TSPAN17: variants seen among roughly 807,000 people sequenced by gnomAD.
The protein encoded by TSPAN17 is tetraspanin 17, also known as tetraspanin-17.
In TSPAN17, 33 loss-of-function variants were observed where a neutral mutation model predicts 40.5. The observed-to-expected ratio is 0.81, with a 90% CI of 0.62 to 1.09. The LOEUF (loss-of-function observed/expected upper bound fraction) is 1.09, where lower values mean the gene tolerates loss of function less well. TSPAN17 is among the 50% of genes least tolerant of loss of function. The pLI is 0.00. For missense variants in TSPAN17, 365 were observed against 416.8 expected, an observed-to-expected ratio of 0.88 and a Z score of 1.08; for synonymous variants, 166 against 169.4, an observed-to-expected ratio of 0.98 and a Z score of 0.15.
chr5:176,649,901 C>T (rs1760898355), intron 1 of TSPAN17, among the ~76,000 whole-genome samples: 1 of 152,250 alleles, frequency 6.6e-6, no homozygotes, highest in South Asian at 2.1e-4. Flanking sequence ...CTCTTTTCAT[C>T]ATTCAAACCT....
Position 176,651,735 on chromosome 5 carries a change from C to T in TSPAN17, c.139-19C>T, listed in dbSNP as rs753010491. ...TGGGAAGGTCAGCTCCCCACACCTG[C>T]CTCTGCTGCCCGGCACAGGGCGTTC... On this transcript the variant is annotated intron_variant, in intron 2 of 8. Coordinates refer to ENST00000508164, the MANE Select transcript of TSPAN17 (RefSeq NM_130465.5). The surrounding 1 kb of genome is among the most constrained non-coding windows in gnomAD (Gnocchi z 4.5). 2.5e-6 allele frequency: 4 copies of T among 1,614,072 alleles called. No homozygotes were observed. Among genetic ancestry groups the T allele is most frequent in the Non-Finnish European group, 2.5e-6 (3 of 1,179,944 alleles).
Position 176,652,998 on chromosome 5 carries a change from C to T in TSPAN17, c.456+85C>T. 2.8e-6 allele frequency: 4 copies of T among 1,448,844 alleles called. No homozygotes were observed. In the South Asian group the frequency reaches 4.8e-5, roughly 18 times the overall value. 89.7% of individuals were successfully genotyped at this position (1,448,844 alleles called of 1,614,324 possible). A position where few individuals can be genotyped will look rare whatever the true frequency, so the allele number is the denominator to read the frequency against. On this transcript the variant is annotated intron_variant, in intron 4 of 8. Transcript: ENST00000508164. ...GGGAGCAAGTTCCCTGTGATGGGAC[C>T]ATCTCCTTACCCACCTGGGCTAGCG...
chr5:176,656,594 G>T, intron 6 of TSPAN17, 106 bp from the exon 7 acceptor site: 1 of 1,038,976 alleles, frequency 9.6e-7, no homozygotes, highest in East Asian at 2.4e-5. Flanking sequence ...TGGGGAGCAG[G>T]TACTGCAGGT....
chr5:176,657,715 C>G lies in TSPAN17; in HGVS notation c.*17C>G. 1 of 1,546,742 alleles carries G rather than the reference C, an allele frequency of 6.5e-7. No homozygotes were observed. Among genetic ancestry groups the G allele is most frequent in the Non-Finnish European group, 8.7e-7 (1 of 1,151,080 alleles). ...AATTGGTAGATTTCACATAAAAGTC[C>G]AGATCCACAGCTTCTCTTGAAGAAT... On this transcript the variant is annotated 3_prime_UTR_variant, in exon 9 of 9. Coordinates refer to ENST00000508164, the MANE Select transcript of TSPAN17 (RefSeq NM_130465.5).
chr5:176,656,559 A>G, intron 6 of TSPAN17, 141 bp from the exon 7 acceptor site: 1 of 767,820 alleles, frequency 1.3e-6, no homozygotes. Flanking sequence ...CCCCATGAGA[A>G]GGAGCCGGCT....
Position 176,656,105 on chromosome 5 carries a change from T to C in TSPAN17, c.610T>C (p.Tyr204His). The change falls in exon 6 of 9, where the codon TAC becomes CAC. Residue 204 changes from tyrosine (Y) to histidine (H), a missense_variant. Coordinates refer to ENST00000508164, the MANE Select transcript of TSPAN17 (RefSeq NM_130465.5). Reference sequence around the variant, plus strand: ...GGATGTCCTCAACACCCAGTGTGGCTACGACGTCCGGCTCAAACTGGTGAG... The same window carrying C: ...GGATGTCCTCAACACCCAGTGTGGCCACGACGTCCGGCTCAAACTGGTGAG... ...AEDVLNTQCG[Y>H]DVRLKLELEQ... The C allele has an allele frequency of 6.2e-7, 1 of 1,614,158 alleles. No homozygotes were observed. Among genetic ancestry groups the C allele is most frequent in the African/African-American group, 1.3e-5 (1 of 75,044 alleles).
At chr5:176,649,046 G>C (rs370951286) in intron 1 of TSPAN17, among the ~76,000 whole-genome samples, 25 of 152,156 alleles carry the variant, frequency 1.6e-4, no homozygotes, top group African/African-American at 5.3e-4. Context: ...CTGGGGCGGA[G>C]CGTGGGGTGT....
rs1761088621 is a variant in TSPAN17, at chr5:176,654,822, G to C, written c.457-73G>C. On this transcript the variant is annotated intron_variant, in intron 4 of 8. Transcript: ENST00000508164. This position sits in a 1 kb window ranked among gnomAD's most constrained non-coding sequence, Gnocchi z 4.3. ...AGACAGCCCTGTATTCCTGCAGCCT[G>C]GGCTTGTTCCCAAACAGGGTGAGGC... The C allele has an allele frequency of 6.4e-7, 1 of 1,571,240 alleles. No individual in the cohort carries two copies. The highest frequency in any genetic ancestry group is 1.2e-5 in the South Asian group (1 of 85,242).
At position 176,654,930 on chromosome 5, in the gene TSPAN17, G is replaced by C. The variant is rs377060651; in HGVS notation, c.492G>C (p.Trp164Cys). The change falls in exon 5 of 9, where the codon TGG becomes TGC. Residue 164 changes from tryptophan (W) to cysteine (C), a missense_variant. Physicochemically the swap from Trp to Cys is radical, Grantham distance 215 (BLOSUM62 -2). Transcript: ENST00000508164. This position sits in a 1 kb window ranked among gnomAD's most constrained non-coding sequence, Gnocchi z 4.3. Reference sequence around the variant, plus strand: ...GCGGAGCCCGAGGCCCCAATGACTGGAACCTCAATATCTACTTCAACTGCA... The same window carrying C: ...GCGGAGCCCGAGGCCCCAATGACTGCAACCTCAATATCTACTTCAACTGCA... ...SCCGARGPND[W>C]NLNIYFNCTD... is the part of the protein sequence containing the mutation. 1.2e-6 allele frequency: 2 copies of C among 1,613,798 alleles called. No homozygotes were observed. Among genetic ancestry groups the C allele is most frequent in the African/African-American group, 2.7e-5 (2 of 74,944 alleles).
At chr5:176,656,614 G>A in intron 6 of TSPAN17, 86 bp from the exon 7 acceptor site, 1 of 1,350,438 alleles carries the variant, frequency 7.4e-7, no homozygotes, top group Non-Finnish European at 1.1e-6. Flanking sequence ...TTTAGACCCT[G>A]GGGTGGGCGT....
At position 176,657,784 on chromosome 5, in the gene TSPAN17, G is replaced by C. The variant is rs1357817791; in HGVS notation, c.*86G>C. ...GCTCTTCGGTGGCAACACTACCTGG[G>C]ACACTGCCTCCCCAGTCACCAAGGG... On this transcript the variant is annotated 3_prime_UTR_variant, in exon 9 of 9. Coordinates refer to ENST00000508164, the MANE Select transcript of TSPAN17 (RefSeq NM_130465.5). The C allele has an allele frequency of 6.6e-7, 1 of 1,514,794 alleles. No individual in the cohort carries two copies. The highest frequency in any genetic ancestry group is 1.4e-5 in the African/African-American group (1 of 71,570). 93.8% of individuals were successfully genotyped at this position (1,514,794 alleles called of 1,614,324 possible). A position where few individuals can be genotyped will look rare whatever the true frequency, so the allele number is the denominator to read the frequency against.
rs1209513265 is a variant in TSPAN17, at chr5:176,651,280, C to T, written c.88-336C>T. ...CCAGCTTCGGTCAGGTGTAGAGGCT[C>T]AGTATACTGGCGCCGTCGCTACCCC... On this transcript the variant is annotated intron_variant, in intron 1 of 8. Coordinates refer to ENST00000508164, the MANE Select transcript of TSPAN17 (RefSeq NM_130465.5). This position sits in a 1 kb window ranked among gnomAD's most constrained non-coding sequence, Gnocchi z 4.5. Among the ~76,000 whole-genome samples, 1 of 151,988 alleles carries T rather than the reference C, an allele frequency of 6.6e-6. No individual in the cohort carries two copies. The highest frequency in any genetic ancestry group is 1.5e-5 in the Non-Finnish European group (1 of 67,970).
intron 5 of TSPAN17, 26 bp downstream of exon 5, chr5:176,655,046 T>G (rs1581197572): frequency 6.3e-7 from 1 of 1,582,846 alleles, no homozygotes; most frequent in South Asian, 1.1e-5. Flanking sequence ...GGAGGAGAGG[T>G]AAGGGACTTT....
chr5:176,647,722 C>T lies in TSPAN17; in HGVS notation c.87+20C>T. ...TTCTGGGTGAGCGCGGGGTCTGCGCCTTGCCCTGTGCTGGGGGGTGGTGGG... is the reference window on the plus strand; with the variant it reads ...TTCTGGGTGAGCGCGGGGTCTGCGCTTTGCCCTGTGCTGGGGGGTGGTGGG... On this transcript the variant is annotated intron_variant, in intron 1 of 8. Coordinates refer to ENST00000508164, the MANE Select transcript of TSPAN17 (RefSeq NM_130465.5). 1 of 1,569,826 alleles carries T rather than the reference C, an allele frequency of 6.4e-7. No homozygotes were observed. Among genetic ancestry groups the T allele is most frequent in the South Asian group, 1.2e-5 (1 of 85,436 alleles).
intron 8 of TSPAN17, chr5:176,657,157 C>T: frequency 3.1e-6 from 2 of 645,416 alleles, no homozygotes; most frequent in Non-Finnish European, 5.3e-6. Context: ...GCCTCTTGTC[C>T]CATATGCGTG....
intron 1 of TSPAN17, among the ~76,000 whole-genome samples, chr5:176,648,883 A>C (rs936590531): frequency 6.6e-6 from 1 of 152,216 alleles, no homozygotes; most frequent in African/African-American, 2.4e-5. Flanking sequence ...ATAGACACAG[A>C]GAAATTAAGT....
At chr5:176,652,207 C>T (rs1343051321) in intron 3 of TSPAN17, among the ~76,000 whole-genome samples, 1 of 152,146 alleles carries the variant, frequency 6.6e-6, no homozygotes, top group African/African-American at 2.4e-5. Flanking sequence ...TTCTCGGGCT[C>T]CCCCCGTTTG....
Position 176,656,851 on chromosome 5 carries a change from C to G in TSPAN17, c.747+35C>G, listed in dbSNP as rs182442495. 13 of 1,613,996 alleles carry G rather than the reference C, an allele frequency of 8.1e-6. No homozygotes were observed. The African/African-American group carries it at 1.3e-4, about 17-fold the overall frequency. The stretch of plus-strand genomic sequence containing the variant: ...TGGCCCCACGTGCCCCTCCCCTTGC[C>G]GGGGCCGCCCTCACTCTCCCCTCAC... On this transcript the variant is annotated intron_variant, in intron 7 of 8. Transcript: ENST00000508164.
rs1761019952 is a variant in TSPAN17, at chr5:176,652,803, G to T, written c.346G>T (p.Val116Phe). The T allele has an allele frequency of 2.5e-6, 4 of 1,614,152 alleles. No individual in the cohort carries two copies. The highest frequency in any genetic ancestry group is 3.4e-6 in the Non-Finnish European group (4 of 1,180,012). ...LELATGILAF[V>F]FKDWIRDQLN... ...GCTGGCAACAGGGATCCTGGCCTTT[G>T]TCTTCAAGGACTGGATTCGAGACCA... Residue 116 changes from valine to phenylalanine, a missense_variant, in exon 4 of 9, where the codon GTC becomes TTC. By Grantham distance (50) the Val-to-Phe change is conservative. Coordinates refer to ENST00000508164, the MANE Select transcript of TSPAN17 (RefSeq NM_130465.5).
Sources: gnomAD v4.1 joint callset for allele counts (sites outside exome capture counted in the v4.1 genomes callset) on GRCh38, gnomAD v4.1.1 for gene constraint, Gnocchi (gnomAD v3.1) non-coding constraint, MANE v1.5 for transcripts, NCBI Gene and HGNC (gene_info 2026-07-23, HGNC 2026-07-21) for gene names.